Variants in PPM1L observed in about 807,000 individuals in gnomAD.
The protein encoded by PPM1L is protein phosphatase, Mg2+/Mn2+ dependent 1L.
PPM1L carries 13 observed loss-of-function variants against 31.4 expected under a neutral mutation model. That is an observed-to-expected ratio of 0.41 (90% CI 0.27 to 0.66). The LOEUF (loss-of-function observed/expected upper bound fraction) is 0.66, where lower values mean the gene tolerates loss of function less well. Among genes scored for constraint, PPM1L ranks in the 30% least tolerant of loss-of-function variants. The probability of loss-of-function intolerance (pLI) is 0.29; values close to 1 mark genes in which losing one functional copy is unlikely to be tolerated. For synonymous variants in PPM1L, 184 were observed against 175.4 expected (o/e 1.05, Z -0.39); for missense variants, 326 against 453.7 (o/e 0.72, Z 2.56).
At chr3:160,985,418 A>G (rs1716932295) in intron 2 of PPM1L, among the ~76,000 whole-genome samples, 1 of 152,230 alleles carries the variant, frequency 6.6e-6, no homozygotes, top group Non-Finnish European at 1.5e-5. Flanking sequence ...GACCTCATTA[A>G]CATGTGGTTG....
At chr3:160,973,696 T>C (rs1290482977) in intron 2 of PPM1L, among the ~76,000 whole-genome samples, 1 of 151,686 alleles carries the variant, frequency 6.6e-6, no homozygotes, top group African/African-American at 2.4e-5. Context: ...GCAAATGTTA[T>C]GTTCAGTCTT....
chr3:160,945,171 A>G (rs1290366592), intron 1 of PPM1L, among the ~76,000 whole-genome samples: 1 of 144,170 alleles, frequency 6.9e-6, no homozygotes, highest in African/African-American at 2.6e-5. Flanking sequence ...ATTTTGTTTT[A>G]GTTTGGCCAT....
At chr3:160,818,403 T>C (rs1713058396) in intron 1 of PPM1L, among the ~76,000 whole-genome samples, 1 of 152,124 alleles carries the variant, frequency 6.6e-6, no homozygotes, top group African/African-American at 2.4e-5. Context: ...GGCATAGTCC[T>C]AGTAAACTGG....
At chr3:161,042,624 T>TA (rs1718943246) in intron 2 of PPM1L, among the ~76,000 whole-genome samples, 1 of 152,334 alleles carries the variant, frequency 6.6e-6, no homozygotes, top group African/African-American at 2.4e-5. Flanking sequence ...AACCTTTTAC[T>TA]TATTAAAGAA....
chr3:160,781,835 A>G (rs1711754985), intron 1 of PPM1L, among the ~76,000 whole-genome samples: 5 of 152,212 alleles, frequency 3.3e-5, no homozygotes. Context: ...GAACATGTTC[A>G]TTCTGAAACA....
chr3:160,805,990 C>T (rs1649420236), intron 1 of PPM1L, among the ~76,000 whole-genome samples: 1 of 152,306 alleles, frequency 6.6e-6, no homozygotes, highest in Non-Finnish European at 1.5e-5. Context: ...ACAAGAACCA[C>T]CCCCTGCCCC....
At position 160,773,742 on chromosome 3, in the gene PPM1L, T is replaced by C. The variant is rs377221973; in HGVS notation, c.399+17035T>C. 2.0e-5 allele frequency among the ~76,000 whole-genome samples: 3 copies of C among 152,344 alleles called. 1 individual carries two copies. In the South Asian group the frequency reaches 6.2e-4, roughly 32 times the overall value. On this transcript the variant is annotated intron_variant, in intron 1 of 3. Transcript: ENST00000498165. ...CTGACACTTTTTCAGACTTGAGTTT[T>C]TGAAGATCTCTAGGAGCCTCATACT...
At chr3:160,798,061 C>G (rs573401498) in intron 1 of PPM1L, among the ~76,000 whole-genome samples, 1 of 152,072 alleles carries the variant, frequency 6.6e-6, no homozygotes, top group Non-Finnish European at 1.5e-5. Context: ...GCCTGTAGTC[C>G]TAGCTACTTG....
At chr3:161,048,442 G>A (rs150451612) in intron 2 of PPM1L, among the ~76,000 whole-genome samples, 2,523 of 152,288 alleles carry the variant, frequency 0.017, 77 homozygotes, top group African/African-American at 0.057. Flanking sequence ...AGGTGCTGGA[G>A]AGAATGTGGA....
At chr3:160,945,276 T>C (rs1338271443) in intron 1 of PPM1L, among the ~76,000 whole-genome samples, 1 of 151,702 alleles carries the variant, frequency 6.6e-6, no homozygotes, top group Non-Finnish European at 1.5e-5. Flanking sequence ...TCTCAGCTGC[T>C]CAACTCTACC....
chr3:161,046,802 C>T (rs1174127636), intron 2 of PPM1L, among the ~76,000 whole-genome samples: 7 of 152,110 alleles, frequency 4.6e-5, no homozygotes, highest in Middle Eastern at 3.2e-3. Flanking sequence ...AATCAATAAA[C>T]GTAATCCAGC....
chr3:160,944,767 CATGTTATATATTATATTATAT>C (rs1715276735), intron 1 of PPM1L, among the ~76,000 whole-genome samples: 1 of 48,762 alleles, frequency 2.1e-5, no homozygotes, highest in African/African-American at 4.9e-5. Context: ...TTATATATAA[CATGTTATATATTATATTATAT>C]ATGTTATATA....
At chr3:160,905,581 T>C (rs1170691876) in intron 1 of PPM1L, among the ~76,000 whole-genome samples, 3 of 152,208 alleles carry the variant, frequency 2.0e-5, no homozygotes, top group African/African-American at 4.8e-5. Context: ...AATCATAATA[T>C]ACTGATACTT....
intron 2 of PPM1L, among the ~76,000 whole-genome samples, chr3:160,978,109 T>C (rs1011092616): frequency 6.6e-6 from 1 of 152,078 alleles, no homozygotes; most frequent in Non-Finnish European, 1.5e-5. Flanking sequence ...ACTTATGGAG[T>C]TGGGCTCATC....
intron 1 of PPM1L, among the ~76,000 whole-genome samples, chr3:160,941,788 G>A (rs1264060611): frequency 6.6e-6 from 1 of 152,134 alleles, no homozygotes; most frequent in East Asian, 1.9e-4. Context: ...TTATTTACAA[G>A]TCATCTGCTT....
intron 1 of PPM1L, among the ~76,000 whole-genome samples, chr3:160,944,670 G>A (rs1347287608): frequency 5.7e-5 from 8 of 139,194 alleles, no homozygotes; most frequent in Non-Finnish European, 1.1e-4. Context: ...ATACATGAAG[G>A]CACATAATAA....
At chr3:160,916,764 A>G (rs1268994062) in intron 1 of PPM1L, among the ~76,000 whole-genome samples, 1 of 151,558 alleles carries the variant, frequency 6.6e-6, no homozygotes, top group Non-Finnish European at 1.5e-5. Context: ...TTCTTATTCC[A>G]TTTCTAGGTA....
intron 1 of PPM1L, among the ~76,000 whole-genome samples, chr3:160,959,979 G>A (rs1180446105): frequency 6.6e-6 from 1 of 151,758 alleles, no homozygotes; most frequent in Non-Finnish European, 1.5e-5. Flanking sequence ...TATATATGTT[G>A]TAGGATATAC....
intron 1 of PPM1L, among the ~76,000 whole-genome samples, chr3:160,905,076 G>A (rs1482463577): frequency 1.3e-5 from 2 of 152,294 alleles, no homozygotes; most frequent in East Asian, 3.9e-4. Context: ...GGCTGAGTTG[G>A]ACTCATTGAG....
Sources: gnomAD v4.1 joint callset for allele counts (sites outside exome capture counted in the v4.1 genomes callset) on GRCh38, gnomAD v4.1.1 for gene constraint, MANE v1.5 for transcripts, NCBI Gene and HGNC (gene_info 2026-07-23, HGNC 2026-07-21) for gene names.